DLG2: variants seen among roughly 807,000 people sequenced by gnomAD.
DLG2 encodes disks large homolog 2.
In DLG2, 45 loss-of-function variants were observed where a neutral mutation model predicts 132.5. The observed-to-expected ratio is 0.34, with a 90% CI of 0.27 to 0.44. The LOEUF is 0.44. DLG2 is among the 20% of genes least tolerant of loss of function. DLG2 has a pLI of 1.00. For synonymous variants in DLG2, 424 were observed against 419.6 expected (o/e 1.01, Z -0.13); for missense variants, 1,045 against 1,196.9 (o/e 0.87, Z 1.87).
chr11:85,528,695 T>C (rs998059449), intron 3 of DLG2, among the ~76,000 whole-genome samples: 1 of 152,244 alleles, frequency 6.6e-6, no homozygotes, highest in Non-Finnish European at 1.5e-5. Flanking sequence ...TACATGAGTA[T>C]GTGACCCATG....
chr11:84,121,541 ATTTTTTTTTTTTTTTTTTTTTTTTT>A (rs869183421), intron 9 of DLG2, among the ~76,000 whole-genome samples: 1 of 66,670 alleles, frequency 1.5e-5, no homozygotes, highest in Non-Finnish European at 2.8e-5. Context: ...TTCCTTGCTA[ATTTTTTTTTTTTTTTTTTTTTTTTT>A]TTTTTTTTTT....
intron 7 of DLG2, among the ~76,000 whole-genome samples, chr11:84,403,976 T>G (rs1482000347): frequency 1.3e-4 from 20 of 152,206 alleles, no homozygotes; most frequent in Non-Finnish European, 2.9e-4. Flanking sequence ...TTCTGCATTT[T>G]TATCTAATAT....
chr11:85,480,537 T>C (rs901628187), intron 3 of DLG2, among the ~76,000 whole-genome samples: 2 of 152,194 alleles, frequency 1.3e-5, no homozygotes, highest in African/African-American at 2.4e-5. Flanking sequence ...ACTTAAAATA[T>C]GCAAAATAAA....
chr11:85,047,122 A>T (rs1016037097), intron 6 of DLG2, among the ~76,000 whole-genome samples: 1 of 151,886 alleles, frequency 6.6e-6, no homozygotes, highest in Admixed American at 6.6e-5. Flanking sequence ...TTTCCCTCCA[A>T]ATCTGAAATT....
chr11:84,782,891 T>C (rs989416394), intron 6 of DLG2, among the ~76,000 whole-genome samples: 3 of 152,176 alleles, frequency 2.0e-5, no homozygotes, highest in African/African-American at 7.2e-5. Context: ...CCCACCAGCA[T>C]CAGCGTACCT....
chr11:84,025,562 T>A (rs1292663879), intron 11 of DLG2, among the ~76,000 whole-genome samples: 2 of 152,324 alleles, frequency 1.3e-5, no homozygotes, highest in African/African-American at 4.8e-5. Flanking sequence ...TATTATGGTA[T>A]CATGATTTAT....
At chr11:85,176,413 G>A (rs1283898282) in intron 4 of DLG2, among the ~76,000 whole-genome samples, 1 of 152,150 alleles carries the variant, frequency 6.6e-6, no homozygotes, top group Non-Finnish European at 1.5e-5. Flanking sequence ...CTAGCCAAAT[G>A]TGAAAAATTG....
chr11:84,575,668 C>A (rs993030705), intron 6 of DLG2, among the ~76,000 whole-genome samples: 1 of 152,068 alleles, frequency 6.6e-6, no homozygotes, highest in Non-Finnish European at 1.5e-5. Flanking sequence ...AAGTATGTAT[C>A]CTTTGTGTTA....
chr11:85,159,832 G>A (rs542041508), intron 4 of DLG2, among the ~76,000 whole-genome samples: 27 of 152,274 alleles, frequency 1.8e-4, no homozygotes, highest in Admixed American at 3.9e-4. Context: ...CCAGCTCTGT[G>A]TCATAATCTT....
At chr11:84,232,530 A>G (rs1022637202) in intron 8 of DLG2, among the ~76,000 whole-genome samples, 5 of 152,194 alleles carry the variant, frequency 3.3e-5, no homozygotes, top group Non-Finnish European at 7.3e-5. Flanking sequence ...GAATTTTCAG[A>G]TGGGGACAAT....
intron 6 of DLG2, among the ~76,000 whole-genome samples, chr11:84,779,115 G>A (rs1256034315): frequency 3.9e-5 from 6 of 151,916 alleles, no homozygotes; most frequent in Admixed American, 3.9e-4. Context: ...CTTGCAGATG[G>A]CCTACTGTGG....
At chr11:84,430,917 C>T (rs1445393163) in intron 7 of DLG2, among the ~76,000 whole-genome samples, 4 of 152,144 alleles carry the variant, frequency 2.6e-5, no homozygotes, top group Admixed American at 6.5e-5. Context: ...AACTGAGGAG[C>T]TTTGAGAGAC....
chr11:85,006,678 GT>G (rs1401505139), intron 6 of DLG2, among the ~76,000 whole-genome samples: 3 of 151,986 alleles, frequency 2.0e-5, no homozygotes, highest in Non-Finnish European at 4.4e-5. Context: ...AAAAAAAACA[GT>G]TCCTGGCTTC....
At chr11:83,731,584 G>A (rs2153700850) in intron 18 of DLG2, among the ~76,000 whole-genome samples, 1 of 152,306 alleles carries the variant, frequency 6.6e-6, no homozygotes, top group East Asian at 1.9e-4. Flanking sequence ...TGGAAATAGT[G>A]ATGCAATAAA....
chr11:84,991,439 G>GC (rs2057091976), intron 6 of DLG2, among the ~76,000 whole-genome samples: 1 of 149,496 alleles, frequency 6.7e-6, no homozygotes, highest in Non-Finnish European at 1.5e-5. Flanking sequence ...ACCCCAGAAG[G>GC]AGGAGGTTGC....
At chr11:83,878,045 G>A (rs757668718) in intron 15 of DLG2, among the ~76,000 whole-genome samples, 1 of 152,130 alleles carries the variant, frequency 6.6e-6, no homozygotes, top group Non-Finnish European at 1.5e-5. Flanking sequence ...CCAGTCAGAT[G>A]GAATTCTGAG....
chr11:84,091,926 G>T (rs1423618466), intron 10 of DLG2, among the ~76,000 whole-genome samples: 1 of 152,118 alleles, frequency 6.6e-6, no homozygotes, highest in Non-Finnish European at 1.5e-5. Context: ...AGTACGTAAA[G>T]GATGCCTTCA....
intron 3 of DLG2, among the ~76,000 whole-genome samples, chr11:85,421,259 C>G (rs1291247399): frequency 6.6e-6 from 1 of 152,040 alleles, no homozygotes; most frequent in Non-Finnish European, 1.5e-5. Flanking sequence ...TTCAGCTTGT[C>G]CTTTGTGGGT....
At chr11:83,738,477 G>A (rs1312171575) in intron 18 of DLG2, among the ~76,000 whole-genome samples, 2 of 152,094 alleles carry the variant, frequency 1.3e-5, no homozygotes, top group African/African-American at 4.8e-5. Context: ...ACTCAGCTGA[G>A]CGGGCTGTGA....
Sources: gnomAD v4.1 joint callset for allele counts (sites outside exome capture counted in the v4.1 genomes callset) on GRCh38, gnomAD v4.1.1 for gene constraint, MANE v1.5 for transcripts, NCBI Gene and HGNC (gene_info 2026-07-23, HGNC 2026-07-21) for gene names.